The following CADPS variants were observed in gnomAD, a reference collection of about 807,000 sequenced individuals.
CADPS encodes calcium-dependent secretion activator 1.
A neutral mutation model predicts 167.3 loss-of-function variants in CADPS; 57 were observed. The observed-to-expected ratio is 0.34, with a 90% CI of 0.28 to 0.42. The LOEUF (loss-of-function observed/expected upper bound fraction) is 0.42, where lower values mean the gene tolerates loss of function less well. Ranked by LOEUF, CADPS falls within the 20% of genes least tolerant of loss-of-function variation. The pLI is 1.00. For synonymous variants in CADPS, 676 were observed against 635.3 expected (o/e 1.06, Z -0.96); for missense variants, 1,414 against 1,738.1 (o/e 0.81, Z 3.32).
chr3:62,564,607 C>CTT (rs11351162), intron 9 of CADPS, among the ~76,000 whole-genome samples: 26 of 127,378 alleles, frequency 2.0e-4, no homozygotes, highest in African/African-American at 3.9e-4. Flanking sequence ...AACCAGAAAT[C>CTT]TTTTTTTTTT....
intron 26 of CADPS, among the ~76,000 whole-genome samples, chr3:62,462,612 T>C (rs533568849): frequency 1.1e-4 from 17 of 152,310 alleles, no homozygotes; most frequent in African/African-American, 4.1e-4. Flanking sequence ...ACAGTAATAC[T>C]TAAGGAATTG....
At chr3:62,837,495 G>A (rs1577101852) in intron 1 of CADPS, among the ~76,000 whole-genome samples, 1 of 152,180 alleles carries the variant, frequency 6.6e-6, no homozygotes, top group Non-Finnish European at 1.5e-5. Flanking sequence ...CCGTGGACTG[G>A]GCACCTCTTC....
chr3:62,555,058 T>A (rs1227268520), intron 10 of CADPS, among the ~76,000 whole-genome samples: 1 of 152,146 alleles, frequency 6.6e-6, no homozygotes, highest in South Asian at 2.1e-4. Context: ...TGGCCAATAA[T>A]CACTCTTTAA....
At chr3:62,445,258 G>T (rs944582581) in intron 27 of CADPS, among the ~76,000 whole-genome samples, 2 of 152,166 alleles carry the variant, frequency 1.3e-5, no homozygotes, top group Admixed American at 1.3e-4. Flanking sequence ...AACAATTGCA[G>T]AATTGACCCC....
chr3:62,496,564 C>T (rs990434838), intron 18 of CADPS, among the ~76,000 whole-genome samples: 3 of 152,162 alleles, frequency 2.0e-5, no homozygotes, highest in Admixed American at 6.5e-5. Context: ...AAGAGCCAAG[C>T]TTTGTGGAGT....
chr3:62,844,635 T>C (rs75231606), intron 1 of CADPS, among the ~76,000 whole-genome samples: 199 of 152,308 alleles, frequency 1.3e-3, no homozygotes, highest in African/African-American at 4.7e-3. Context: ...TCTATAGTTA[T>C]CATGACCTGT....
intron 7 of CADPS, among the ~76,000 whole-genome samples, chr3:62,587,022 T>G (rs562278631): frequency 2.0e-3 from 297 of 152,296 alleles, no homozygotes; most frequent in Non-Finnish European, 3.2e-3. Context: ...CTCAATAATT[T>G]CGTCATGTCT....
chr3:62,784,277 T>C (rs1398985130), intron 1 of CADPS, among the ~76,000 whole-genome samples: 1 of 152,238 alleles, frequency 6.6e-6, no homozygotes, highest in Non-Finnish European at 1.5e-5. Flanking sequence ...AATGATCACC[T>C]TCCAAGGATG....
At chr3:62,856,864 TA>T (rs201438087) in intron 1 of CADPS, among the ~76,000 whole-genome samples, 13,513 of 139,472 alleles carry the variant, frequency 0.097, 752 homozygotes, top group Non-Finnish European at 0.13. Flanking sequence ...AATATAAAGG[TA>T]AAAAAAAAAA....
intron 6 of CADPS, among the ~76,000 whole-genome samples, chr3:62,622,766 T>C (rs902797477): frequency 1.3e-5 from 2 of 152,086 alleles, no homozygotes; most frequent in Admixed American, 1.3e-4. Context: ...ATTTAGCCAC[T>C]AGATGGCAAT....
intron 1 of CADPS, among the ~76,000 whole-genome samples, chr3:62,772,101 G>T (rs1425912122): frequency 6.6e-6 from 1 of 152,060 alleles, no homozygotes; most frequent in Non-Finnish European, 1.5e-5. Context: ...TATAATACAT[G>T]TAATAATATA....
chr3:62,577,500 G>C (rs844295), intron 8 of CADPS, among the ~76,000 whole-genome samples: 80,201 of 151,910 alleles, frequency 0.53, 24,288 homozygotes, highest in East Asian at 0.74. Context: ...GGAGAGCAGG[G>C]AGACTCCAGG....
chr3:62,830,615 C>A (rs546507665), intron 1 of CADPS, among the ~76,000 whole-genome samples: 42 of 152,204 alleles, frequency 2.8e-4, no homozygotes, highest in African/African-American at 1.0e-3. Context: ...CAGTCATAAA[C>A]AAAGTCTCCC....
chr3:62,596,586 T>C (rs189805160), intron 6 of CADPS, among the ~76,000 whole-genome samples: 62 of 152,344 alleles, frequency 4.1e-4, no homozygotes, highest in African/African-American at 1.3e-3. Context: ...TTATCATTTT[T>C]TGTATGTGTT....
chr3:62,411,138 T>A (rs1324412727), intron 28 of CADPS, among the ~76,000 whole-genome samples: 1 of 152,060 alleles, frequency 6.6e-6, no homozygotes, highest in African/African-American at 2.4e-5. Flanking sequence ...AAACCCCACC[T>A]TTTTGAGCAG....
intron 1 of CADPS, among the ~76,000 whole-genome samples, chr3:62,823,212 G>T (rs1359740952): frequency 6.6e-6 from 1 of 152,164 alleles, no homozygotes; most frequent in Non-Finnish European, 1.5e-5. Context: ...TAAACCAACA[G>T]GAATACTTGT....
Position 62,662,296 on chromosome 3 carries a change from AC to A in CADPS, c.969+17del. ...ACTTTGGCCTGGACCCCAGCAAACA[AC>A]CACAATGTTTCCTTACCCTGGCTAT... On this transcript the variant is annotated intron_variant, in intron 4 of 29. Transcript: ENST00000383710. 1 of 1,609,216 alleles carries A rather than the reference AC, an allele frequency of 6.2e-7. No individual in the cohort carries two copies. Among genetic ancestry groups the A allele is most frequent in the East Asian group, 2.2e-5 (1 of 44,822 alleles).
chr3:62,799,525 T>A (rs1045502598), intron 1 of CADPS, among the ~76,000 whole-genome samples: 2 of 152,168 alleles, frequency 1.3e-5, no homozygotes, highest in African/African-American at 4.8e-5. Flanking sequence ...CAGGTCTAAA[T>A]ACATTTTGTC....
chr3:62,521,771 G>C (rs1435603227), intron 13 of CADPS, among the ~76,000 whole-genome samples: 1 of 152,180 alleles, frequency 6.6e-6, no homozygotes, highest in African/African-American at 2.4e-5. Flanking sequence ...TGGATTTGGA[G>C]GAGTGGCCTC....
Sources: gnomAD v4.1 joint callset for allele counts (sites outside exome capture counted in the v4.1 genomes callset) on GRCh38, gnomAD v4.1.1 for gene constraint, MANE v1.5 for transcripts, NCBI Gene and HGNC (gene_info 2026-07-23, HGNC 2026-07-21) for gene names.